The following CTNNA3 variants were observed in gnomAD, a reference collection of about 807,000 sequenced individuals.
CTNNA3 encodes the protein catenin alpha-3.
CTNNA3 carries 76 observed loss-of-function variants against 95.7 expected under a neutral mutation model. The ratio of observed to expected loss-of-function variants is 0.79; its 90% confidence interval spans 0.66 to 0.96. CTNNA3 has a LOEUF of 0.96. Ranked by LOEUF, CTNNA3 falls within the 40% of genes least tolerant of loss-of-function variation. The pLI is 0.00. For synonymous variants in CTNNA3, 431 were observed against 374.4 expected (o/e 1.15, Z -1.74); for missense variants, 1,191 against 1,089.8 (o/e 1.09, Z -1.31).
intron 3 of CTNNA3, among the ~76,000 whole-genome samples, chr10:67,558,824 C>T (rs1286537772): frequency 6.6e-6 from 1 of 152,214 alleles, no homozygotes; most frequent in Non-Finnish European, 1.5e-5. Context: ...AATGGCACGC[C>T]AGGAGATTAT....
chr10:67,412,375 T>C (rs773836391), intron 5 of CTNNA3, among the ~76,000 whole-genome samples: 1 of 152,088 alleles, frequency 6.6e-6, no homozygotes, highest in Non-Finnish European at 1.5e-5. Flanking sequence ...ACCAAATATA[T>C]GATTCATCAG....
At chr10:67,050,158 A>G (rs533496074) in intron 7 of CTNNA3, among the ~76,000 whole-genome samples, 1 of 152,318 alleles carries the variant, frequency 6.6e-6, no homozygotes, top group African/African-American at 2.4e-5. Flanking sequence ...TGTGTTGCAC[A>G]TAGTGCATGC....
intron 14 of CTNNA3, among the ~76,000 whole-genome samples, chr10:66,102,685 T>TGTGGTGGTGGTGGCA (rs1564645256): frequency 1.3e-5 from 2 of 151,756 alleles, no homozygotes; most frequent in African/African-American, 4.8e-5. Context: ...TTTGGAGTTG[T>TGTGGTGGTGGTGGCA]GTGGTGGTGG....
intron 1 of CTNNA3, among the ~76,000 whole-genome samples, chr10:67,719,020 G>A (rs1252408702): frequency 1.3e-5 from 2 of 152,022 alleles, no homozygotes; most frequent in Non-Finnish European, 2.9e-5. Flanking sequence ...CTTCTTCCTG[G>A]TTTAGTCTTG....
intron 6 of CTNNA3, among the ~76,000 whole-genome samples, chr10:67,192,183 T>C (rs1213185253): frequency 6.6e-6 from 1 of 151,986 alleles, no homozygotes; most frequent in Non-Finnish European, 1.5e-5. Flanking sequence ...AACAATGTCT[T>C]TTTAGATGAC....
chr10:67,608,861 C>T (rs576687849), intron 2 of CTNNA3, among the ~76,000 whole-genome samples: 41 of 152,082 alleles, frequency 2.7e-4, no homozygotes, highest in African/African-American at 7.7e-4. Context: ...GAGGCCGAGG[C>T]GGGTGGATCA....
At chr10:67,709,227 T>G (rs1275430923) in intron 1 of CTNNA3, among the ~76,000 whole-genome samples, 2 of 152,120 alleles carry the variant, frequency 1.3e-5, no homozygotes, top group Non-Finnish European at 2.9e-5. Context: ...CAGAACAAAA[T>G]AAAAACAATC....
intron 13 of CTNNA3, among the ~76,000 whole-genome samples, chr10:66,176,406 G>A (rs1038103300): frequency 6.6e-6 from 1 of 152,024 alleles, no homozygotes; most frequent in Non-Finnish European, 1.5e-5. Flanking sequence ...ACTGCAAATA[G>A]TTTCTTATGA....
chr10:67,481,084 G>C lies in CTNNA3; in HGVS notation c.579+40758C>G, dbSNP rs78372669. ...TGGTTTTGGTTTTAATTCTTTTTAT[G>C]TGGTGAATCACATTTTTTTTGTACA... On this transcript the variant is annotated intron_variant, in intron 5 of 17. Coordinates refer to ENST00000433211, the MANE Select transcript of CTNNA3 (RefSeq NM_013266.4). 5.0e-3 allele frequency among the ~76,000 whole-genome samples: 766 copies of C among 152,194 alleles called. 23 individuals carry two copies. In the East Asian group the frequency reaches 0.076, roughly 15 times the overall value.
intron 4 of CTNNA3, among the ~76,000 whole-genome samples, chr10:67,525,929 C>G (rs1212498226): frequency 6.6e-6 from 1 of 152,166 alleles, no homozygotes; most frequent in Non-Finnish European, 1.5e-5. Flanking sequence ...CCCATACCCG[C>G]AGCGTTATGT....
intron 5 of CTNNA3, among the ~76,000 whole-genome samples, chr10:67,366,398 G>GA (rs1173562053): frequency 2.7e-5 from 4 of 149,912 alleles, no homozygotes; most frequent in South Asian, 2.1e-4. Context: ...CTGACATTCA[G>GA]AAAAAAAAAT....
chr10:66,540,742 G>A (rs1458028480), intron 10 of CTNNA3, among the ~76,000 whole-genome samples: 1 of 151,678 alleles, frequency 6.6e-6, no homozygotes, highest in Non-Finnish European at 1.5e-5. Flanking sequence ...ATTTGGGAGA[G>A]CCAGGGTTGG....
chr10:66,854,329 C>T (rs1331863801), intron 7 of CTNNA3, among the ~76,000 whole-genome samples: 1 of 152,004 alleles, frequency 6.6e-6, no homozygotes, highest in East Asian at 1.9e-4. Flanking sequence ...TCATTCACTG[C>T]ATACTATTCC....
intron 9 of CTNNA3, among the ~76,000 whole-genome samples, chr10:66,715,460 A>T (rs1259065495): frequency 1.3e-5 from 2 of 152,160 alleles, no homozygotes; most frequent in African/African-American, 4.8e-5. Context: ...AAGCAATAGT[A>T]GAAAGGGAGG....
intron 10 of CTNNA3, among the ~76,000 whole-genome samples, chr10:66,592,012 CA>C (rs1330444541): frequency 6.7e-6 from 1 of 150,202 alleles, no homozygotes; most frequent in East Asian, 2.0e-4. Flanking sequence ...CTTATAAATA[CA>C]AGCGATGAAT....
intron 13 of CTNNA3, among the ~76,000 whole-genome samples, chr10:66,112,187 G>T (rs1395714706): frequency 3.9e-5 from 6 of 152,022 alleles, no homozygotes; most frequent in African/African-American, 1.5e-4. Flanking sequence ...TTCTGTTATA[G>T]CCACCAGAGG....
chr10:66,398,334 A>G (rs1589192989), intron 11 of CTNNA3, among the ~76,000 whole-genome samples: 2 of 152,058 alleles, frequency 1.3e-5, no homozygotes, highest in Middle Eastern at 3.4e-3. Context: ...GCTCAAGAAC[A>G]AATTTTTTGT....
At chr10:67,579,833 T>C (rs1301999824) in intron 3 of CTNNA3, among the ~76,000 whole-genome samples, 1 of 152,248 alleles carries the variant, frequency 6.6e-6, no homozygotes, top group African/African-American at 2.4e-5. Context: ...CATGTGTCTG[T>C]TGGCTGCATA....
intron 7 of CTNNA3, among the ~76,000 whole-genome samples, chr10:66,965,737 T>C (rs901644208): frequency 6.6e-6 from 1 of 152,094 alleles, no homozygotes; most frequent in African/African-American, 2.4e-5. Flanking sequence ...TCTTCTTTTA[T>C]TTCTTTGCTC....
Sources: allele counts gnomAD v4.1 joint callset (sites outside exome capture counted in the v4.1 genomes callset), GRCh38; gene constraint gnomAD v4.1.1; transcripts MANE v1.5; gene names NCBI Gene and HGNC (gene_info 2026-07-23, HGNC 2026-07-21).